ORC3: variants seen among roughly 807,000 people sequenced by gnomAD.
The protein encoded by ORC3 is homolog of latheo, Drosophila.
A neutral mutation model predicts 100.7 loss-of-function variants in ORC3; 78 were observed. The observed-to-expected ratio is 0.77, with a 90% CI of 0.65 to 0.94. The LOEUF is 0.94. ORC3 is among the 40% of genes least tolerant of loss of function. The pLI is 0.00. For missense variants in ORC3, 789 were observed against 823.9 expected (o/e 0.96, Z 0.52); for synonymous variants, 295 against 289.3 (o/e 1.02, Z -0.20).
At chr6:87,648,481 A>G (rs1364655586) in intron 13 of ORC3, among the ~76,000 whole-genome samples, 1 of 152,092 alleles carries the variant, frequency 6.6e-6, no homozygotes. Flanking sequence ...TGTGCCTAAT[A>G]TTCTACCACA....
At chr6:87,603,283 C>A in intron 3 of ORC3, 101 bp from the exon 4 acceptor site, 1 of 590,390 alleles carries the variant, frequency 1.7e-6, no homozygotes, top group Non-Finnish European at 2.7e-6. Flanking sequence ...ATCTTTTGAT[C>A]ATTTTACATC....
chr6:87,642,818 C>T (rs1431797631), intron 13 of ORC3, among the ~76,000 whole-genome samples: 5 of 150,424 alleles, frequency 3.3e-5, no homozygotes, highest in African/African-American at 4.9e-5. Flanking sequence ...AGGAGAATGG[C>T]GTGAACCCAG....
the ORC3 span, among the ~76,000 whole-genome samples, chr6:87,676,620 C>T: frequency 3.4e-5 from 5 of 146,964 alleles, no homozygotes; most frequent in African/African-American, 5.0e-5. Flanking sequence ...CACACACACA[C>T]ACACACAAAC....
At chr6:87,608,485 C>G (rs1344056310) in intron 6 of ORC3, among the ~76,000 whole-genome samples, 2 of 152,164 alleles carry the variant, frequency 1.3e-5, no homozygotes, top group Non-Finnish European at 2.9e-5. Flanking sequence ...ATTTTCCAAT[C>G]AACATTTTTG....
Position 87,616,277 on chromosome 6 carries a change from C to A in ORC3, c.874-37C>A, listed in dbSNP as rs544371508. ...AGTATTTATGAAGAGTGAAGACTAA[C>A]AAGGAGTGTGTCCCCCTCCCTTTTA... On this transcript the variant is annotated intron_variant, in intron 8 of 19. Transcript: ENST00000392844. 7.8e-6 allele frequency: 6 copies of A among 770,034 alleles called. No individual in the cohort carries two copies. In the East Asian group the frequency reaches 1.5e-4, roughly 19 times the overall value. 47.7% of individuals were successfully genotyped at this position (770,034 alleles called of 1,614,324 possible). A position where few individuals can be genotyped will look rare whatever the true frequency, so the allele number is the denominator to read the frequency against.
At chr6:87,614,637 TC>T (rs1389550150) in intron 8 of ORC3, among the ~76,000 whole-genome samples, 7 of 152,184 alleles carry the variant, frequency 4.6e-5, no homozygotes, top group African/African-American at 1.4e-4. Flanking sequence ...AGAAATTTGT[TC>T]CTCAGGATAC....
At position 87,607,829 on chromosome 6, in the gene ORC3, A is replaced by G. The variant is rs201586238; in HGVS notation, c.579+5A>G. ...TGGTATATGACTGTCACACAGGTAG[A>G]TATAAACTGATGATTTTCTCCCAGG... On this transcript the variant is annotated splice_donor_5th_base_variant and intron_variant, in intron 6 of 19. Transcript: ENST00000392844. 1,477 of 1,592,284 alleles carry G rather than the reference A, an allele frequency of 9.3e-4. 22 individuals carry two copies. Among genetic ancestry groups the G allele is most frequent in the Non-Finnish European group, 2.8e-4 (327 of 1,166,706 alleles).
chr6:87,608,597 C>G (rs1013653795), intron 6 of ORC3, among the ~76,000 whole-genome samples: 7 of 152,082 alleles, frequency 4.6e-5, no homozygotes, highest in African/African-American at 1.7e-4. Flanking sequence ...TTTAGACTTT[C>G]CAGATAAAAT....
At chr6:87,648,010 G>A (rs986174380) in intron 13 of ORC3, among the ~76,000 whole-genome samples, 3 of 152,090 alleles carry the variant, frequency 2.0e-5, no homozygotes, top group Non-Finnish European at 4.4e-5. Flanking sequence ...GACCAGCCTG[G>A]CCAATATGGT....
At chr6:87,610,333 C>T (rs1778651238) in intron 7 of ORC3, among the ~76,000 whole-genome samples, 1 of 151,948 alleles carries the variant, frequency 6.6e-6, no homozygotes, top group Non-Finnish European at 1.5e-5. Context: ...CTCAGCCTCC[C>T]AAGTAGCTGG....
intron 13 of ORC3, among the ~76,000 whole-genome samples, chr6:87,648,239 A>T (rs1170971866): frequency 6.6e-6 from 1 of 152,144 alleles, no homozygotes; most frequent in African/African-American, 2.4e-5. Context: ...ACCAAAAAAA[A>T]AGTGCTTGCT....
downstream of ORC3, among the ~76,000 whole-genome samples, chr6:87,671,572 C>G (rs1770832734): frequency 7.0e-6 from 1 of 142,340 alleles, no homozygotes; most frequent in South Asian, 2.2e-4. Flanking sequence ...GCAAGCAGCC[C>G]AAGGTCAAGC....
chr6:87,603,564 T>A, intron 4 of ORC3, 36 bp downstream of exon 4: 1 of 1,367,174 alleles, frequency 7.3e-7, no homozygotes, highest in Non-Finnish European at 9.8e-7. Context: ...CATGCATCTC[T>A]GTGTATTTCG....
chr6:87,602,139 G>C (rs1486266773), intron 3 of ORC3, among the ~76,000 whole-genome samples: 1 of 151,914 alleles, frequency 6.6e-6, no homozygotes, highest in East Asian at 1.9e-4. Flanking sequence ...GGCTAAGTTG[G>C]GAGGATAACT....
intron 2 of ORC3, among the ~76,000 whole-genome samples, chr6:87,598,084 C>G (rs1739345357): frequency 6.6e-6 from 1 of 152,134 alleles, no homozygotes; most frequent in South Asian, 2.1e-4. Context: ...GGCTGGAGTG[C>G]AGTGGCACAA....
chr6:87,624,134 A>G (rs1327853884), intron 11 of ORC3, among the ~76,000 whole-genome samples: 1 of 152,086 alleles, frequency 6.6e-6, no homozygotes, highest in Non-Finnish European at 1.5e-5. Flanking sequence ...TTACCCTGAA[A>G]AAGTTAGCTG....
chr6:87,659,711 G>A (rs1173518476), intron 16 of ORC3, among the ~76,000 whole-genome samples: 2 of 151,804 alleles, frequency 1.3e-5, no homozygotes, highest in African/African-American at 4.8e-5. Context: ...GTGAAACCCC[G>A]ACTCTACTAA....
In ORC3 at chr6:87,610,792, A is replaced by G. The variant is rs2128253812; in HGVS notation, c.714-1297A>G. On this transcript the variant is annotated intron_variant, in intron 7 of 19. Coordinates refer to ENST00000392844, the MANE Select transcript of ORC3 (RefSeq NM_012381.4). Reference sequence around the variant, plus strand: ...ATGGTCTCGATCTCCTGACCTCATGATCCACCCGCCTCGGCCTCCCAAAGT... The same window carrying G: ...ATGGTCTCGATCTCCTGACCTCATGGTCCACCCGCCTCGGCCTCCCAAAGT... 2.1e-5 allele frequency among the ~76,000 whole-genome samples: 3 copies of G among 142,830 alleles called. 1 individual carries two copies. The South Asian group carries it at 6.4e-4, about 31-fold the overall frequency. 93.7% of individuals were successfully genotyped at this position (142,830 alleles called of 152,430 possible).
At chr6:87,630,475 A>G (rs995475956) in intron 11 of ORC3, among the ~76,000 whole-genome samples, 4 of 152,122 alleles carry the variant, frequency 2.6e-5, no homozygotes, top group Non-Finnish European at 5.9e-5. Flanking sequence ...TTCAGCCAAT[A>G]TTTTTCTAGT....
Sources: gnomAD v4.1 joint callset for allele counts (sites outside exome capture counted in the v4.1 genomes callset) on GRCh38, gnomAD v4.1.1 for gene constraint, MANE v1.5 for transcripts, NCBI Gene and HGNC (gene_info 2026-07-23, HGNC 2026-07-21) for gene names.